Variants in HEPACAM2 observed in about 807,000 individuals in gnomAD.
HEPACAM2 encodes mitotic kinetics regulator.
HEPACAM2 carries 49 observed loss-of-function variants against 49.6 expected under a neutral mutation model. That is an observed-to-expected ratio of 0.99 (90% CI 0.78 to 1.25). The LOEUF (loss-of-function observed/expected upper bound fraction) is 1.25, where lower values mean the gene tolerates loss of function less well. Among genes scored for constraint, HEPACAM2 ranks in the 50% most tolerant of loss-of-function variants. HEPACAM2 has a pLI of 0.00. For missense variants in HEPACAM2, 525 were observed against 557.2 expected (o/e 0.94, Z 0.58); for synonymous variants, 197 against 202.9 (o/e 0.97, Z 0.25).
chr7:93,223,395 T>C (rs1440864990), intron 1 of HEPACAM2, among the ~76,000 whole-genome samples: 1 of 152,080 alleles, frequency 6.6e-6, no homozygotes, highest in African/African-American at 2.4e-5. Flanking sequence ...ACTAAAATTA[T>C]AGGAGGAAAA....
intron 1 of HEPACAM2, among the ~76,000 whole-genome samples, chr7:93,222,854 T>C (rs1356063574): frequency 6.6e-6 from 1 of 152,130 alleles, no homozygotes; most frequent in Non-Finnish European, 1.5e-5. Context: ...AGGACCCAAA[T>C]TGAGAGAGGG....
chr7:93,221,230 G>A (rs1053561210), intron 1 of HEPACAM2, among the ~76,000 whole-genome samples: 2 of 152,128 alleles, frequency 1.3e-5, no homozygotes, highest in Non-Finnish European at 2.9e-5. Context: ...GGTGAGAAGA[G>A]ATGGAAATTA....
rs143544047 is a variant in HEPACAM2, at chr7:93,201,954, C to T, written c.1013-4344G>A. Among the ~76,000 whole-genome samples the T allele has an allele frequency of 1.1e-3, 155 of 146,264 alleles. 1 individual carries two copies. Among genetic ancestry groups the T allele is most frequent in the African/African-American group, 3.7e-3 (145 of 39,580 alleles). ...TAAATTTAGAAGGACCCATACTTCA[C>T]TGCGGTTGTCAATAAGATAAAGGCA... On this transcript the variant is annotated intron_variant, in intron 4 of 9. Coordinates refer to ENST00000394468, the MANE Select transcript of HEPACAM2 (RefSeq NM_001039372.4).
upstream of HEPACAM2, among the ~76,000 whole-genome samples, chr7:93,228,606 T>C (rs1794580068): frequency 6.6e-6 from 1 of 152,226 alleles, no homozygotes; most frequent in African/African-American, 2.4e-5. Context: ...CTACCATCCA[T>C]ATCTCACATC....
intron 8 of HEPACAM2, among the ~76,000 whole-genome samples, chr7:93,193,301 A>G (rs919962309): frequency 2.6e-5 from 4 of 152,092 alleles, no homozygotes; most frequent in Non-Finnish European, 5.9e-5. Context: ...ATGAAGCCTT[A>G]GTATATGTGA....
Position 93,208,813 on chromosome 7 carries a change from A to T in HEPACAM2, c.779T>A (p.Val260Asp), listed in dbSNP as rs1794101547. The T allele has an allele frequency of 6.2e-7, 1 of 1,612,756 alleles. No homozygotes were observed. The highest frequency in any genetic ancestry group is 8.5e-7 in the Non-Finnish European group (1 of 1,179,278). The change falls in exon 4 of 10, where the codon GTT (valine) becomes GAT (aspartate). Residue 260 changes from valine (V) to aspartate (D), a missense_variant. Physicochemically the swap from Val to Asp is radical, Grantham distance 152. Transcript: ENST00000394468. ...KGLKVGEVFT[V>D]DLGEAILFDC... ...AAATAGGATGGCCTCTCCAAGGTCA[A>T]CAGTAAACACTTCCCCTACTTTTAG...
chr7:93,218,332 G>A (rs979075053), intron 2 of HEPACAM2, among the ~76,000 whole-genome samples: 1 of 151,994 alleles, frequency 6.6e-6, no homozygotes, highest in Non-Finnish European at 1.5e-5. Flanking sequence ...GCTGATTGTG[G>A]TATTGAGTGG....
intron 1 of HEPACAM2, among the ~76,000 whole-genome samples, chr7:93,219,870 A>T (rs1316332425): frequency 1.3e-5 from 2 of 152,234 alleles, no homozygotes; most frequent in African/African-American, 4.8e-5. Context: ...TCCTCCCAAC[A>T]GTTTCCCTTA....
At chr7:93,216,659 G>A (rs763455028) in intron 2 of HEPACAM2, among the ~76,000 whole-genome samples, 14 of 152,164 alleles carry the variant, frequency 9.2e-5, no homozygotes, top group Non-Finnish European at 1.8e-4. Context: ...GAGTTACACA[G>A]CAGTCAGTAG....
At chr7:93,193,960 G>C (rs1443764119) in intron 8 of HEPACAM2, among the ~76,000 whole-genome samples, 1 of 151,996 alleles carries the variant, frequency 6.6e-6, no homozygotes, top group African/African-American at 2.4e-5. Context: ...TCCTCCTTTG[G>C]TTGTTGGTCT....
chr7:93,192,182 T>A (rs751856815), intron 9 of HEPACAM2, 72 bp downstream of exon 9: 43 of 1,046,146 alleles, frequency 4.1e-5, no homozygotes, highest in Non-Finnish European at 3.9e-5. Context: ...TGCCTTTTAA[T>A]CAGTTCTGGG....
chr7:93,208,929 G>A, intron 3 of HEPACAM2, 53 bp from the exon 4 acceptor site: 1 of 1,457,360 alleles, frequency 6.9e-7, no homozygotes, highest in Non-Finnish European at 9.2e-7. Flanking sequence ...CACAACATAG[G>A]TTTTGAGTTT....
At chr7:93,226,493 G>A, upstream of HEPACAM2, 2 of 1,435,522 alleles carry the variant, frequency 1.4e-6, no homozygotes, top group Non-Finnish European at 9.8e-7. Context: ...AGCAGCTGCT[G>A]GTTTATTTGC....
At chr7:93,217,876 C>CTG (rs138044928) in intron 2 of HEPACAM2, among the ~76,000 whole-genome samples, 10,781 of 140,082 alleles carry the variant, frequency 0.077, 403 homozygotes, top group East Asian at 0.11. Context: ...GCATGTGTGT[C>CTG]TGTGTGTGTG....
intron 1 of HEPACAM2, among the ~76,000 whole-genome samples, chr7:93,223,773 G>A (rs981282870): frequency 6.6e-6 from 1 of 152,120 alleles, no homozygotes; most frequent in Non-Finnish European, 1.5e-5. Context: ...AATGTCAGCA[G>A]GGAATGAAAT....
At chr7:93,206,786 AT>A (rs975387904) in intron 4 of HEPACAM2, among the ~76,000 whole-genome samples, 1 of 152,060 alleles carries the variant, frequency 6.6e-6, no homozygotes, top group Non-Finnish European at 1.5e-5. Flanking sequence ...ATGACAATAT[AT>A]ACATCCCAAA....
chr7:93,213,558 C>T (rs1288007155), intron 3 of HEPACAM2, among the ~76,000 whole-genome samples: 3 of 152,004 alleles, frequency 2.0e-5, no homozygotes, highest in Non-Finnish European at 4.4e-5. Flanking sequence ...TCAAGTAACA[C>T]TGGAATCTAA....
rs115521409 is a variant in HEPACAM2, at chr7:93,225,659, G to A, written c.79+709C>T. On this transcript the variant is annotated intron_variant, in intron 1 of 9. Coordinates refer to ENST00000394468, the MANE Select transcript of HEPACAM2 (RefSeq NM_001039372.4). ...AGGAAGAATGGAAATGAGAACATCTGGTGAAAATAATGTTGACAGACAGCA... is the reference window on the plus strand; with the variant it reads ...AGGAAGAATGGAAATGAGAACATCTAGTGAAAATAATGTTGACAGACAGCA... 9.6e-3 allele frequency among the ~76,000 whole-genome samples: 1,463 copies of A among 152,168 alleles called. 26 individuals are homozygous for A. The highest frequency in any genetic ancestry group is 0.033 in the African/African-American group (1,382 of 41,504).
At chr7:93,206,442 A>C (rs1794031558) in intron 4 of HEPACAM2, among the ~76,000 whole-genome samples, 1 of 152,042 alleles carries the variant, frequency 6.6e-6, no homozygotes, top group Admixed American at 6.6e-5. Flanking sequence ...AGTGAGTGCT[A>C]AAAAATGAAT....
Sources: allele counts gnomAD v4.1 joint callset (sites outside exome capture counted in the v4.1 genomes callset), GRCh38; gene constraint gnomAD v4.1.1; transcripts MANE v1.5; gene names NCBI Gene and HGNC (gene_info 2026-07-23, HGNC 2026-07-21).